Variants in ANKS1B observed in about 807,000 individuals in gnomAD.
The protein encoded by ANKS1B is ankyrin repeat and sterile alpha motif domain-containing protein 1B.
Under a neutral mutation model 148.3 loss-of-function variants are expected in ANKS1B, and 36 were observed. The ratio of observed to expected loss-of-function variants is 0.24; its 90% CI spans 0.19 to 0.32. ANKS1B has a LOEUF of 0.32. Ranked by LOEUF, ANKS1B falls within the 10% of genes least tolerant of loss-of-function variation. The probability of loss-of-function intolerance (pLI) is 1.00; values close to 1 mark genes in which losing one functional copy is unlikely to be tolerated. For synonymous variants in ANKS1B, 542 were observed against 560.8 expected (o/e 0.97, Z 0.47); for missense variants, 1,157 against 1,542.6 (o/e 0.75, Z 4.19).
intron 26 of ANKS1B, among the ~76,000 whole-genome samples, chr12:98,746,387 T>A (rs2097893980): frequency 1.3e-5 from 2 of 152,198 alleles, no homozygotes; most frequent in Non-Finnish European, 2.9e-5. Flanking sequence ...GCGCTCATCA[T>A]CTGCTCTGCC....
intron 9 of ANKS1B, among the ~76,000 whole-genome samples, chr12:99,572,843 A>G (rs2097474732): frequency 6.6e-6 from 1 of 152,128 alleles, no homozygotes. Context: ...ATACAAATAA[A>G]TCTGTTTCAA....
At chr12:99,875,058 G>C (rs2091926276) in intron 1 of ANKS1B, among the ~76,000 whole-genome samples, 1 of 152,128 alleles carries the variant, frequency 6.6e-6, no homozygotes, top group African/African-American at 2.4e-5. Context: ...GAGGGGGAGA[G>C]AGGCAGATGG....
chr12:98,973,857 G>A (rs75314120), intron 17 of ANKS1B, among the ~76,000 whole-genome samples: 7,484 of 151,392 alleles, frequency 0.049, 419 homozygotes, highest in African/African-American at 0.15. Flanking sequence ...CTATAGATAC[G>A]TACCTGCGAT....
chr12:99,826,552 A>G (rs1458375615), intron 1 of ANKS1B, among the ~76,000 whole-genome samples: 1 of 152,202 alleles, frequency 6.6e-6, no homozygotes, highest in Non-Finnish European at 1.5e-5. Context: ...TTACATGACT[A>G]GAAAAAATTA....
In ANKS1B at chr12:99,263,833, C is replaced by T. The variant is rs73379380; in HGVS notation, c.1757-16969G>A. 5.4e-3 allele frequency among the ~76,000 whole-genome samples: 819 copies of T among 152,254 alleles called. 6 individuals are homozygous for T. The highest frequency in any genetic ancestry group is 0.018 in the African/African-American group (747 of 41,554). ...AAGTTTCCTGAGGCCTCCCTAGTCA[C>T]GTGAAACGTGAGTCAACTAAACCTC... On this transcript the variant is annotated intron_variant, in intron 12 of 26. Transcript: ENST00000683438.
In ANKS1B at chr12:99,529,429, G is replaced by A. The variant is rs540361643; in HGVS notation, c.1273-24788C>T. Among the ~76,000 whole-genome samples the A allele has an allele frequency of 9.9e-5, 15 of 152,260 alleles. No homozygotes were observed. The South Asian group carries it at 2.3e-3, about 23-fold the overall frequency. ...GCACTTTGGGAGGCTGAGATGGGCCGATCAGCTGAGGTCTGGAGTTCAAGA... is the reference window on the plus strand; with the variant it reads ...GCACTTTGGGAGGCTGAGATGGGCCAATCAGCTGAGGTCTGGAGTTCAAGA... On this transcript the variant is annotated intron_variant, in intron 9 of 26. Coordinates refer to ENST00000683438, the MANE Select transcript of ANKS1B (RefSeq NM_001352186.2).
intron 17 of ANKS1B, among the ~76,000 whole-genome samples, chr12:99,007,459 C>T (rs955224824): frequency 6.6e-6 from 1 of 152,136 alleles, no homozygotes; most frequent in African/African-American, 2.4e-5. Flanking sequence ...AAGCTAGAGA[C>T]ATATTTTTAT....
At chr12:98,780,409 C>T (rs1456695285) in intron 24 of ANKS1B, among the ~76,000 whole-genome samples, 1 of 152,178 alleles carries the variant, frequency 6.6e-6, no homozygotes, top group African/African-American at 2.4e-5. Context: ...TTCAGCACCA[C>T]GATGCTGTTG....
chr12:99,412,997 G>C (rs1346932623), intron 11 of ANKS1B, among the ~76,000 whole-genome samples: 1 of 152,164 alleles, frequency 6.6e-6, no homozygotes, highest in Non-Finnish European at 1.5e-5. Context: ...TAAAGATGTA[G>C]AACTCCTTAT....
chr12:99,823,110 C>T (rs185493703), intron 2 of ANKS1B, among the ~76,000 whole-genome samples: 70 of 152,128 alleles, frequency 4.6e-4, no homozygotes, highest in Non-Finnish European at 4.3e-4. Flanking sequence ...TGTCTGTTCA[C>T]GTCTTCTGAG....
At chr12:98,784,661 A>C (rs2098772720) in intron 22 of ANKS1B, among the ~76,000 whole-genome samples, 2 of 152,344 alleles carry the variant, frequency 1.3e-5, no homozygotes, top group Admixed American at 1.3e-4. Context: ...GAAAGCTGGA[A>C]CAACAGGCAG....
intron 1 of ANKS1B, among the ~76,000 whole-genome samples, chr12:99,938,291 C>T (rs1026587860): frequency 6.6e-6 from 1 of 152,148 alleles, no homozygotes; most frequent in African/African-American, 2.4e-5. Flanking sequence ...CTCAGTCCTA[C>T]AACCACAGGA....
intron 1 of ANKS1B, among the ~76,000 whole-genome samples, chr12:99,846,484 C>A (rs1184174287): frequency 6.6e-6 from 1 of 152,004 alleles, no homozygotes; most frequent in Non-Finnish European, 1.5e-5. Context: ...ACTTTTAACC[C>A]AAGGATTTTT....
chr12:99,615,285 G>T (rs527483840), intron 9 of ANKS1B, among the ~76,000 whole-genome samples: 1 of 150,476 alleles, frequency 6.6e-6, no homozygotes, highest in South Asian at 2.1e-4. Context: ...AATATGACTT[G>T]TTGTCCTTTC....
intron 17 of ANKS1B, among the ~76,000 whole-genome samples, chr12:98,909,141 C>T (rs1450785905): frequency 6.6e-6 from 1 of 152,150 alleles, no homozygotes; most frequent in Non-Finnish European, 1.5e-5. Flanking sequence ...CCTCTCTGTT[C>T]AGGCCACGCA....
chr12:99,824,991 G>A (rs1393218989), intron 2 of ANKS1B, among the ~76,000 whole-genome samples: 1 of 152,112 alleles, frequency 6.6e-6, no homozygotes, highest in Non-Finnish European at 1.5e-5. Flanking sequence ...AAAGGTAAAG[G>A]GGTGTTATCA....
chr12:99,504,732 G>T, intron 9 of ANKS1B, 91 bp from the exon 10 acceptor site: 2 of 990,188 alleles, frequency 2.0e-6, no homozygotes, highest in African/African-American at 1.7e-5. Flanking sequence ...AGGTTCATTA[G>T]TTCTTTCCAA....
intron 14 of ANKS1B, among the ~76,000 whole-genome samples, chr12:99,204,383 G>A (rs1220221879): frequency 6.6e-6 from 1 of 152,206 alleles, no homozygotes; most frequent in Non-Finnish European, 1.5e-5. Context: ...ACTTTGCTAA[G>A]TGTGACAAAT....
At chr12:99,462,524 G>A (rs1003826225) in intron 10 of ANKS1B, among the ~76,000 whole-genome samples, 3 of 152,134 alleles carry the variant, frequency 2.0e-5, no homozygotes, top group Non-Finnish European at 4.4e-5. Context: ...ACATCTCAAA[G>A]TCAGCTTTCT....
Sources: allele counts gnomAD v4.1 joint callset (sites outside exome capture counted in the v4.1 genomes callset), GRCh38; gene constraint gnomAD v4.1.1; transcripts MANE v1.5; gene names NCBI Gene and HGNC (gene_info 2026-07-23, HGNC 2026-07-21).